PTPN23: variants seen among roughly 807,000 people sequenced by gnomAD.
PTPN23 encodes the protein tyrosine-protein phosphatase non-receptor type 23.
Under a neutral mutation model 156.3 loss-of-function variants are expected in PTPN23, and 72 were observed. That is an observed-to-expected ratio of 0.46 (90% CI 0.38 to 0.56). The LOEUF (loss-of-function observed/expected upper bound fraction) is 0.56, where lower values mean the gene tolerates loss of function less well. Ranked by LOEUF, PTPN23 falls within the 20% of genes least tolerant of loss-of-function variation. The pLI is 0.00. For synonymous variants in PTPN23, 957 were observed against 899.6 expected, an observed-to-expected ratio of 1.06 and a Z score of -1.14; for missense variants, 1,974 against 2,171.5, an observed-to-expected ratio of 0.91 and a Z score of 1.81.
In PTPN23 at chr3:47,409,837, T is replaced by G; in HGVS notation, c.2129+3T>G. ...GCCCGCCAGCAGCTCCTGGACAGGTTTGTGTGGCCCTGGGGCTGTGGTGCG... is the reference window on the plus strand; with the variant it reads ...GCCCGCCAGCAGCTCCTGGACAGGTGTGTGTGGCCCTGGGGCTGTGGTGCG... On this transcript the variant is annotated splice_donor_region_variant and intron_variant, in intron 19 of 24. Coordinates refer to ENST00000265562, the MANE Select transcript of PTPN23 (RefSeq NM_015466.4). 4 of 1,609,962 alleles carry G rather than the reference T, an allele frequency of 2.5e-6. No individual in the cohort carries two copies. The highest frequency in any genetic ancestry group is 3.4e-6 in the Non-Finnish European group (4 of 1,178,600).
chr3:47,383,044 G>A (rs1704581887), intron 1 of PTPN23, among the ~76,000 whole-genome samples: 1 of 152,076 alleles, frequency 6.6e-6, no homozygotes, highest in African/African-American at 2.4e-5. Flanking sequence ...TGGAGACGGA[G>A]TCTTGGAATA....
chr3:47,408,728 G>A, intron 15 of PTPN23, 48 bp from the exon 16 acceptor site: 1 of 1,546,950 alleles, frequency 6.5e-7, no homozygotes, highest in Non-Finnish European at 8.7e-7. Context: ...GCCCATGGGT[G>A]CCCGGTCAGC....
chr3:47,412,993 C>A lies in PTPN23; in HGVS notation c.4719C>A (p.Pro1573=), dbSNP rs1367170850. The change falls in exon 25 of 25, where the codon CCC becomes CCA. Residue 1573 remains proline, a synonymous_variant. Coordinates refer to ENST00000265562, the MANE Select transcript of PTPN23 (RefSeq NM_015466.4). ...PVPEAPSSGP[P]SSSLELLASL... ...CTGAAGCCCCCAGCTCGGGGCCCCC[C>A]TCCTCCTCCCTGGAATTGCTGGCCT... is the stretch of plus-strand genomic sequence containing the variant. 1.2e-6 allele frequency: 2 copies of A among 1,611,964 alleles called. No homozygotes were observed. The highest frequency in any genetic ancestry group is 3.3e-5 in the Admixed American group (2 of 59,852).
rs748923155 is a variant in PTPN23, at chr3:47,406,032, G to A, written c.532G>A (p.Val178Ile). ...GAGCCGCCAGATCCTTACGCTCAAC[G>A]TCAACCTCATGCTGGTGAGGAGGCG... ...DMSRQILTLN[V>I]NLMLGQAQEC... Residue 178 changes from valine to isoleucine, a missense_variant, in exon 6 of 25, where the codon GTC becomes ATC. Coordinates refer to ENST00000265562, the MANE Select transcript of PTPN23 (RefSeq NM_015466.4). This position sits in a 1 kb window ranked among gnomAD's most constrained non-coding sequence, Gnocchi z 5.8. 7 of 1,612,868 alleles carry A rather than the reference G, an allele frequency of 4.3e-6. No individual in the cohort carries two copies. Among genetic ancestry groups the A allele is most frequent in the Admixed American group, 3.3e-5 (2 of 59,886 alleles).
rs750175351 is a variant in PTPN23 at position 47,412,552 on chromosome 3, C to G, written c.4356C>G (p.His1452Gln). 1.2e-6 allele frequency: 2 copies of G among 1,613,486 alleles called. No individual in the cohort carries two copies. The highest frequency in any genetic ancestry group is 1.7e-6 in the Non-Finnish European group (2 of 1,180,016). Residue 1452 changes from histidine to glutamine, a missense_variant, in exon 24 of 25, where the codon CAC becomes CAG. Coordinates refer to ENST00000265562, the MANE Select transcript of PTPN23 (RefSeq NM_015466.4). ...LRFCYEAVVR[H>Q]VEQVLQRHGV... ...TCTGCTATGAGGCAGTGGTGAGACA[C>G]GTGGAGCAGGTCCTGCAGCGCCATG...
intron 1 of PTPN23, among the ~76,000 whole-genome samples, chr3:47,395,786 G>A (rs1310630136): frequency 1.3e-5 from 2 of 152,134 alleles, no homozygotes; most frequent in Non-Finnish European, 2.9e-5. Context: ...ACCCCACAAC[G>A]CAGCAGGGCC....
Position 47,409,058 on chromosome 3 carries a change from C to G in PTPN23, c.1613C>G (p.Ala538Gly). 3.1e-6 allele frequency: 5 copies of G among 1,612,942 alleles called. No homozygotes were observed. The highest frequency in any genetic ancestry group is 4.2e-6 in the Non-Finnish European group (5 of 1,179,404). The stretch of plus-strand genomic sequence containing the variant: ...AGCGGGCCGCTTGACCAGGTCCGGG[C>G]TGCCCTGCCCACACCGGCCCTCTCC... ...LLSGPLDQVR[A>G]ALPTPALSPE... The change falls in exon 16 of 25, where the codon GCT becomes GGT. Residue 538 changes from alanine to glycine, a missense_variant. Physicochemically the swap from Ala to Gly is moderately conservative, Grantham distance 60 (BLOSUM62 0). Coordinates refer to ENST00000265562, the MANE Select transcript of PTPN23 (RefSeq NM_015466.4).
intron 2 of PTPN23, among the ~76,000 whole-genome samples, chr3:47,399,252 G>A (rs1205986969): frequency 6.6e-6 from 1 of 152,288 alleles, no homozygotes; most frequent in East Asian, 1.9e-4. Context: ...GGGGATGGGT[G>A]GCTGCTACTA....
At position 47,411,507 on chromosome 3, in the gene PTPN23, C is replaced by T. The variant is rs755103681; in HGVS notation, c.3709C>T (p.Arg1237Cys). The T allele has an allele frequency of 9.9e-6, 16 of 1,612,986 alleles. No individual in the cohort carries two copies. The highest frequency in any genetic ancestry group is 3.3e-5 in the South Asian group (3 of 91,092). The stretch of plus-strand genomic sequence containing the variant: ...CTATGACAGTAACCGTGTGGTGCTG[C>T]GCTCAGGCAAGGATGACTACATCAA... ...MPYDSNRVVL[R>C]SGKDDYINAS... Residue 1237 changes from arginine (R) to cysteine (C), a missense_variant, in exon 20 of 25, where the codon CGC becomes TGC. Arg to Cys is a radical substitution (Grantham distance 180). Transcript: ENST00000265562. The surrounding 1 kb of genome is among the most constrained non-coding windows in gnomAD (Gnocchi z 6.3).
In PTPN23 at chr3:47,409,692, G is replaced by T; in HGVS notation, c.1987G>T (p.Glu663Ter). ...STLQTLVASYEAYEDLMKKSQ... is the reference protein window; with the variant it reads ...STLQTLVASY ...GCTGCAGACCCTGGTGGCCTCGTAT[G>T]AAGCCTATGAGGACCTGATGAAGAA... is the stretch of plus-strand genomic sequence containing the variant. The change falls in exon 19 of 25, where the codon GAA becomes TAA. Residue 663 changes from glutamate (E) to a stop codon, truncating the protein, a stop_gained. Coordinates refer to ENST00000265562, the MANE Select transcript of PTPN23 (RefSeq NM_015466.4). LOFTEE classifies it high-confidence loss of function. 1 of 1,609,802 alleles carries T rather than the reference G, an allele frequency of 6.2e-7. No homozygotes were observed. Among genetic ancestry groups the T allele is most frequent in the East Asian group, 2.2e-5 (1 of 44,870 alleles).
At chr3:47,395,105 C>T (rs1704851723) in intron 1 of PTPN23, among the ~76,000 whole-genome samples, 1 of 152,196 alleles carries the variant, frequency 6.6e-6, no homozygotes, top group Non-Finnish European at 1.5e-5. Context: ...AAGCTGTCAC[C>T]CAGGCTTCCC....
At chr3:47,394,357 C>G (rs1704836559) in intron 1 of PTPN23, among the ~76,000 whole-genome samples, 1 of 152,122 alleles carries the variant, frequency 6.6e-6, no homozygotes, top group Middle Eastern at 3.2e-3. Flanking sequence ...AGCTAATGTT[C>G]AAGGCAGTGA....
chr3:47,411,855 A>T lies in PTPN23; in HGVS notation c.3961A>T (p.Ser1321Cys), dbSNP rs374878345. The part of the protein sequence containing the change: ...MVHGALSLAL[S>C]SVRSTETHVE... ...GCACGGTGCCCTGAGCCTGGCATTG[A>T]GCAGCGTCCGCAGCACCGAAACCCA... Residue 1321 changes from serine (S) to cysteine (C), a missense_variant, in exon 21 of 25, where the codon AGC becomes TGC. By Grantham distance (112) the Ser-to-Cys change is moderately radical (BLOSUM62 -1). Around this residue, in one of 4 missense-constraint regions of PTPN23, gnomAD observed 484 missense variants for 516.0 expected, o/e 0.94. Coordinates refer to ENST00000265562, the MANE Select transcript of PTPN23 (RefSeq NM_015466.4). The surrounding 1 kb of genome is among the most constrained non-coding windows in gnomAD (Gnocchi z 6.3). 92 of 1,612,308 alleles carry T rather than the reference A, an allele frequency of 5.7e-5. No individual in the cohort carries two copies. Among genetic ancestry groups the T allele is most frequent in the Non-Finnish European group, 7.6e-5 (90 of 1,179,848 alleles).
chr3:47,389,344 C>T (rs1704720500), intron 1 of PTPN23, among the ~76,000 whole-genome samples: 1 of 152,192 alleles, frequency 6.6e-6, no homozygotes, highest in Non-Finnish European at 1.5e-5. Context: ...GGCATGGTGA[C>T]TCATGCCTGT....
chr3:47,405,381 T>G lies in PTPN23; in HGVS notation c.364+300T>G, dbSNP rs908785293. The G allele has an allele frequency of 1.9e-6, 1 of 533,168 alleles. No individual in the cohort carries two copies. The allele number at this position is 533,168 out of a possible 1,614,324, so 33.0% of individuals were successfully genotyped here. ...ACTGGACAGCCCCTCCCCACTGTGG[T>G]TTTGGGCTGCTTCAGGCAGGAGGAG... On this transcript the variant is annotated intron_variant, in intron 4 of 24. Transcript: ENST00000265562. The surrounding 1 kb of genome is among the most constrained non-coding windows in gnomAD (Gnocchi z 4.7).
intron 2 of PTPN23, among the ~76,000 whole-genome samples, chr3:47,398,597 G>T (rs1046827350): frequency 6.8e-6 from 1 of 146,072 alleles, no homozygotes; most frequent in Non-Finnish European, 1.5e-5. Flanking sequence ...ACAGGGTTTC[G>T]CTCTGTCGTC....
At position 47,412,590 on chromosome 3, in the gene PTPN23, C is replaced by A. The variant is rs771765913; in HGVS notation, c.4394C>A (p.Pro1465Gln). ...QVLQRHGVPPPCKPLASASIS... is the reference protein window; with the variant it reads ...QVLQRHGVPPQCKPLASASIS... ...CTGCAGCGCCATGGTGTGCCTCCTC[C>A]ATGCAAACCCTTGGCCAGTGCAAGC... is the stretch of plus-strand genomic sequence containing the variant. The change falls in exon 24 of 25, where the codon CCA (proline) becomes CAA (glutamine). Residue 1465 changes from proline (P) to glutamine (Q), a missense_variant. By Grantham distance (76) the Pro-to-Gln change is moderately conservative (BLOSUM62 -1). Transcript: ENST00000265562. 3.1e-6 allele frequency: 5 copies of A among 1,613,732 alleles called. No individual in the cohort carries two copies. The highest frequency in any genetic ancestry group is 3.4e-6 in the Non-Finnish European group (4 of 1,179,998).
intron 2 of PTPN23, among the ~76,000 whole-genome samples, chr3:47,403,653 C>T (rs749907845): frequency 8.5e-5 from 13 of 152,128 alleles, no homozygotes; most frequent in Non-Finnish European, 1.5e-4. Flanking sequence ...GTCGGCCTCC[C>T]AAGGAGCTGG....
rs901185323 is a variant in PTPN23, at chr3:47,410,011, C to T, written c.2213C>T (p.Ala738Val). 1.2e-6 allele frequency: 2 copies of T among 1,607,474 alleles called. No individual in the cohort carries two copies. Among genetic ancestry groups the T allele is most frequent in the Non-Finnish European group, 1.7e-6 (2 of 1,177,500 alleles). Residue 738 changes from alanine (A) to valine (V), a missense_variant, in exon 20 of 25, where the codon GCA (alanine) becomes GTA (valine). Ala to Val is a moderately conservative substitution (Grantham distance 64, BLOSUM62 0). Coordinates refer to ENST00000265562, the MANE Select transcript of PTPN23 (RefSeq NM_015466.4). The part of the protein sequence containing the change: ...PRREESEAVE[A>V]GDPPEELRSL... ...AGGGAGGAGAGTGAGGCAGTGGAAG[C>T]AGGAGACCCCCCTGAGGAGCTGCGC...
Sources: allele counts gnomAD v4.1 joint callset (sites outside exome capture counted in the v4.1 genomes callset), GRCh38; gene constraint gnomAD v4.1.1; regional missense constraint gnomAD v4.1.1; non-coding constraint Gnocchi (gnomAD v3.1); transcripts MANE v1.5; gene names NCBI Gene and HGNC (gene_info 2026-07-23, HGNC 2026-07-21).